Variants in CALN1 observed in about 807,000 individuals in gnomAD.
The protein encoded by CALN1 is calneuron 1, also known as calcium-binding protein 8.
A neutral mutation model predicts 30.6 loss-of-function variants in CALN1; 17 were observed. That is an observed-to-expected ratio of 0.56 (90% CI 0.38 to 0.83). The LOEUF (loss-of-function observed/expected upper bound fraction) is 0.83. Among genes scored for constraint, CALN1 ranks in the 40% least tolerant of loss-of-function variants. The pLI is 0.00. For missense variants in CALN1, 291 were observed against 354.9 expected (o/e 0.82, Z 1.45); for synonymous variants, 156 against 131.4 (o/e 1.19, Z -1.28).
At chr7:72,314,418 C>T (rs28489692) in intron 2 of CALN1, among the ~76,000 whole-genome samples, 25,684 of 147,972 alleles carry the variant, frequency 0.17, 3,250 homozygotes, top group East Asian at 0.37. Flanking sequence ...CATATATATA[C>T]ACACATACAT....
At position 72,340,179 on chromosome 7, in the gene CALN1, C is replaced by T. The variant is rs1328311566; in HGVS notation, c.120-61369G>A. 2.6e-5 allele frequency among the ~76,000 whole-genome samples: 4 copies of T among 152,258 alleles called. No individual in the cohort carries two copies. The East Asian group carries it at 7.7e-4, about 29-fold the overall frequency. On this transcript the variant is annotated intron_variant, in intron 2 of 6. Coordinates refer to ENST00000395275, the MANE Select transcript of CALN1 (RefSeq NM_031468.4). ...GAGTGAACATTCTTTTCTGCAAACC[C>T]CGTATTTTTAGACAAAGCTTTACCT...
At chr7:72,434,383 G>T (rs544913826) in intron 1 of CALN1, among the ~76,000 whole-genome samples, 3 of 151,330 alleles carry the variant, frequency 2.0e-5, no homozygotes, top group African/African-American at 7.3e-5. Context: ...ATAGCTGGGC[G>T]TACTGGCGGG....
At chr7:72,167,321 T>C (rs1788596855) in intron 3 of CALN1, among the ~76,000 whole-genome samples, 1 of 151,928 alleles carries the variant, frequency 6.6e-6, no homozygotes, top group Non-Finnish European at 1.5e-5. Flanking sequence ...TAGACTAACA[T>C]TCTAGTTTCT....
chr7:71,863,613 C>T (rs2116682189), intron 5 of CALN1, among the ~76,000 whole-genome samples: 1 of 149,602 alleles, frequency 6.7e-6, no homozygotes, highest in South Asian at 2.2e-4. Context: ...AACAAAACAC[C>T]CATACAAGCA....
At chr7:72,411,174 G>A (rs1484744280) in intron 1 of CALN1, among the ~76,000 whole-genome samples, 1 of 151,888 alleles carries the variant, frequency 6.6e-6, no homozygotes, top group Non-Finnish European at 1.5e-5. Context: ...CTATCAAAAG[G>A]AAAAAGCAAA....
intron 3 of CALN1, among the ~76,000 whole-genome samples, chr7:72,254,231 T>C (rs566924760): frequency 7.5e-4 from 114 of 152,362 alleles, no homozygotes; most frequent in African/African-American, 2.5e-3. Flanking sequence ...AAGTCTTTCC[T>C]GTTGGATTTC....
intron 4 of CALN1, among the ~76,000 whole-genome samples, chr7:72,059,524 C>T (rs1468513063): frequency 6.6e-6 from 1 of 152,128 alleles, no homozygotes; most frequent in African/African-American, 2.4e-5. Flanking sequence ...TTGGAAATTA[C>T]CTTGCTCTGA....
Position 71,956,637 on chromosome 7 carries a change from T to C in CALN1, c.501+67020A>G, listed in dbSNP as rs115622089. On this transcript the variant is annotated intron_variant, in intron 5 of 6. Coordinates refer to ENST00000395275, the MANE Select transcript of CALN1 (RefSeq NM_031468.4). Reference sequence around the variant, plus strand: ...CTGTGTCCAGTCCCAATTTAAAGTTTTGATTGTATGTAGCAGTGCAGGCAC... The same window carrying C: ...CTGTGTCCAGTCCCAATTTAAAGTTCTGATTGTATGTAGCAGTGCAGGCAC... 5.5e-3 allele frequency among the ~76,000 whole-genome samples: 834 copies of C among 151,908 alleles called. 6 individuals carry two copies. The highest frequency in any genetic ancestry group is 0.019 in the African/African-American group (801 of 41,414).
chr7:71,874,279 T>TAAA (rs57423286), intron 5 of CALN1, among the ~76,000 whole-genome samples: 2,717 of 97,510 alleles, frequency 0.028, 127 homozygotes, highest in African/African-American at 0.093. Flanking sequence ...TCTCAAACAT[T>TAAA]AAAAAAAAAA....
In CALN1 at chr7:71,828,722, G is replaced by A. The variant is rs1376376632; in HGVS notation, c.502-18230C>T. ...TATATACATATATATATGTATATGT[G>A]TGTGTGTGTGTGTGTGTGTAATTTG... On this transcript the variant is annotated intron_variant, in intron 5 of 6. Transcript: ENST00000395275. Among the ~76,000 whole-genome samples, 23 of 150,678 alleles carry A rather than the reference G, an allele frequency of 1.5e-4. No individual in the cohort carries two copies. In the Admixed American group the frequency reaches 1.5e-3, roughly 10 times the overall value.
chr7:71,932,543 GTGGCTCACGCCTGTAA>G (rs1795607355), intron 5 of CALN1, among the ~76,000 whole-genome samples: 1 of 152,080 alleles, frequency 6.6e-6, no homozygotes, highest in African/African-American at 2.4e-5. Flanking sequence ...GCCGGGCAGG[GTGGCTCACGCCTGTAA>G]TCCCAGAACT....
At chr7:72,337,530 G>C (rs894049094) in intron 2 of CALN1, 4 of 154,440 alleles carry the variant, frequency 2.6e-5, no homozygotes, top group African/African-American at 7.2e-5. Flanking sequence ...TTCCCAAAGA[G>C]GCTGCCCACG....
chr7:72,018,101 G>T (rs1732647684), intron 5 of CALN1, among the ~76,000 whole-genome samples: 2 of 152,076 alleles, frequency 1.3e-5, no homozygotes, highest in South Asian at 4.1e-4. Flanking sequence ...AGAAGAAAAT[G>T]AAAAAGGCTG....
rs188125887 is a variant in CALN1 at position 72,047,090 on chromosome 7, C to T, written c.389-23321G>A. 2.3e-3 allele frequency among the ~76,000 whole-genome samples: 344 copies of T among 152,000 alleles called. 2 individuals carry two copies. The highest frequency in any genetic ancestry group is 8.1e-3 in the African/African-American group (337 of 41,474). On this transcript the variant is annotated intron_variant, in intron 4 of 6. Transcript: ENST00000395275. ...AAAAATAAATAAATAAAAATGAAAA[C>T]TAGTGGGGAAACGTAAGGTTTAATC...
intron 6 of CALN1, among the ~76,000 whole-genome samples, chr7:71,795,257 T>C (rs1026856493): frequency 6.6e-6 from 1 of 152,098 alleles, no homozygotes; most frequent in African/African-American, 2.4e-5. Flanking sequence ...CTCGACCTTG[T>C]GATCCATCCG....
At chr7:72,408,506 G>A (rs946114332) in intron 1 of CALN1, among the ~76,000 whole-genome samples, 10 of 151,862 alleles carry the variant, frequency 6.6e-5, no homozygotes, top group Non-Finnish European at 1.3e-4. Flanking sequence ...AGGTCAGAGA[G>A]CGTAACTGGA....
chr7:72,283,454 G>C (rs945593287), intron 2 of CALN1, among the ~76,000 whole-genome samples: 2 of 152,280 alleles, frequency 1.3e-5, no homozygotes, highest in South Asian at 4.1e-4. Flanking sequence ...AGGATCATGT[G>C]AGCACAGTAA....
chr7:72,493,169 C>T, the CALN1 span, among the ~76,000 whole-genome samples: 1 of 152,058 alleles, frequency 6.6e-6, no homozygotes, highest in East Asian at 1.9e-4. Flanking sequence ...CACCACCTCC[C>T]CGGGTCTCCC....
rs141894900 is a variant in CALN1 at position 72,142,544 on chromosome 7, T to C, written c.245-36250A>G. Among the ~76,000 whole-genome samples the C allele has an allele frequency of 3.7e-3, 562 of 152,298 alleles. 3 individuals are homozygous for C. Among genetic ancestry groups the C allele is most frequent in the African/African-American group, 0.013 (525 of 41,572 alleles). On this transcript the variant is annotated intron_variant, in intron 3 of 6. Coordinates refer to ENST00000395275, the MANE Select transcript of CALN1 (RefSeq NM_031468.4). Reference sequence around the variant, plus strand: ...TGCCTGCCTCTGGAGACTCCACCTCTGGGGGCAGGGCATAGCCGAACAAAA... The same window carrying C: ...TGCCTGCCTCTGGAGACTCCACCTCCGGGGGCAGGGCATAGCCGAACAAAA...
Sources: gnomAD v4.1 joint callset for allele counts (sites outside exome capture counted in the v4.1 genomes callset) on GRCh38, gnomAD v4.1.1 for gene constraint, MANE v1.5 for transcripts, NCBI Gene and HGNC (gene_info 2026-07-23, HGNC 2026-07-21) for gene names.